Variants in CSMD1 observed in about 807,000 individuals in gnomAD.
CSMD1 encodes the protein CUB and sushi domain-containing protein 1.
A neutral mutation model predicts 417.5 loss-of-function variants in CSMD1; 213 were observed. That is an observed-to-expected ratio of 0.51 (90% confidence interval 0.46 to 0.57). The LOEUF is 0.57. CSMD1 is among the 20% of genes least tolerant of loss of function. CSMD1 has a pLI of 0.00. For synonymous variants in CSMD1, 2,862 were observed against 1,736.8 expected (o/e 1.65, Z -16.11); for missense variants, 6,923 against 4,529.7 (o/e 1.53, Z -15.17).
At chr8:3,661,228 C>T (rs980911924) in intron 7 of CSMD1, among the ~76,000 whole-genome samples, 1 of 152,194 alleles carries the variant, frequency 6.6e-6, no homozygotes, top group Non-Finnish European at 1.5e-5. Flanking sequence ...GAGTATGCAT[C>T]TGTAACAAGA....
chr8:4,016,255 G>C (rs1268495923), intron 4 of CSMD1, among the ~76,000 whole-genome samples: 2 of 152,052 alleles, frequency 1.3e-5, no homozygotes, highest in Non-Finnish European at 2.9e-5. Context: ...TTTCCTGCTT[G>C]AGTAATTCAT....
chr8:3,924,530 G>A (rs868063943), intron 5 of CSMD1, among the ~76,000 whole-genome samples: 1 of 152,072 alleles, frequency 6.6e-6, no homozygotes, highest in East Asian at 1.9e-4. Context: ...GAAGCTCGGT[G>A]GACTTGCTTC....
At chr8:3,753,427 C>A (rs1563342306) in intron 6 of CSMD1, among the ~76,000 whole-genome samples, 1 of 152,126 alleles carries the variant, frequency 6.6e-6, no homozygotes, top group South Asian at 2.1e-4. Context: ...ACTACAGACT[C>A]CCCATTTTGC....
chr8:3,876,333 G>A (rs1805819865), intron 5 of CSMD1, among the ~76,000 whole-genome samples: 1 of 152,124 alleles, frequency 6.6e-6, no homozygotes, highest in African/African-American at 2.4e-5. Flanking sequence ...CAAAGCCCAG[G>A]ATGACTGTTG....
intron 3 of CSMD1, among the ~76,000 whole-genome samples, chr8:4,226,198 C>T (rs1299240326): frequency 1.3e-5 from 2 of 151,960 alleles, no homozygotes; most frequent in Non-Finnish European, 2.9e-5. Context: ...GATCATTTTA[C>T]TAACCACTCT....
At chr8:3,756,391 A>G (rs1044806138) in intron 5 of CSMD1, among the ~76,000 whole-genome samples, 5 of 152,136 alleles carry the variant, frequency 3.3e-5, no homozygotes, top group African/African-American at 1.2e-4. Context: ...TGTATATTAA[A>G]AATCAATAAT....
intron 3 of CSMD1, among the ~76,000 whole-genome samples, chr8:4,225,686 G>C (rs572774945): frequency 6.6e-6 from 1 of 152,088 alleles, no homozygotes; most frequent in Non-Finnish European, 1.5e-5. Context: ...TTAGGAAACT[G>C]TCTCACCAGG....
intron 26 of CSMD1, among the ~76,000 whole-genome samples, chr8:3,232,917 C>A (rs1441156718): frequency 6.6e-6 from 1 of 151,054 alleles, no homozygotes; most frequent in Admixed American, 6.6e-5. Context: ...TAATTACATG[C>A]ATTGCTAGGT....
chr8:3,446,938 G>A (rs1815342823), intron 12 of CSMD1, among the ~76,000 whole-genome samples: 1 of 152,190 alleles, frequency 6.6e-6, no homozygotes, highest in South Asian at 2.1e-4. Flanking sequence ...GAAATAATTA[G>A]CATGTTGTCT....
At chr8:4,148,827 T>A (rs992662580) in intron 3 of CSMD1, among the ~76,000 whole-genome samples, 10 of 152,214 alleles carry the variant, frequency 6.6e-5, no homozygotes, top group Non-Finnish European at 1.3e-4. Context: ...CAGTCCCTCA[T>A]GCTGCCTTTG....
rs1273966097 is a variant in CSMD1 at position 4,889,805 on chromosome 8, A to C, written c.85+104527T>G. ...TAATAGTGAGGGCCTACTATGTTGA[A>C]ACTTGATGTGCAAACCACAGCCACT... On this transcript the variant is annotated intron_variant, in intron 1 of 69. Transcript: ENST00000635120. 1.3e-5 allele frequency among the ~76,000 whole-genome samples: 2 copies of C among 152,086 alleles called. 1 individual carries two copies. The highest frequency in any genetic ancestry group is 4.8e-5 in the African/African-American group (2 of 41,362).
At chr8:4,148,045 C>A (rs1039975628) in intron 3 of CSMD1, among the ~76,000 whole-genome samples, 1 of 151,948 alleles carries the variant, frequency 6.6e-6, no homozygotes, top group Non-Finnish European at 1.5e-5. Flanking sequence ...ATGACCTTTA[C>A]GGTAAAGAAA....
At chr8:4,631,764 C>T (rs1301137024) in intron 2 of CSMD1, among the ~76,000 whole-genome samples, 1 of 152,224 alleles carries the variant, frequency 6.6e-6, no homozygotes, top group Admixed American at 6.5e-5. Flanking sequence ...ACATTCACCT[C>T]TAACCTCTTC....
intron 4 of CSMD1, among the ~76,000 whole-genome samples, chr8:4,015,339 G>A (rs907889930): frequency 6.6e-6 from 1 of 152,048 alleles, no homozygotes; most frequent in Admixed American, 6.6e-5. Flanking sequence ...TCTCCCCTCT[G>A]GCTATGTCGT....
chr8:3,404,466 G>C (rs1355992812), intron 15 of CSMD1, among the ~76,000 whole-genome samples: 2 of 152,156 alleles, frequency 1.3e-5, no homozygotes, highest in African/African-American at 4.8e-5. Flanking sequence ...TCATGGAGGA[G>C]TTTAATGCTC....
At chr8:3,080,577 G>A (rs370241519) in intron 49 of CSMD1, among the ~76,000 whole-genome samples, 3 of 152,176 alleles carry the variant, frequency 2.0e-5, no homozygotes, top group African/African-American at 4.8e-5. Context: ...AGCCATCAAG[G>A]GGTCTTGGGA....
At chr8:4,142,586 G>GT (rs948684761) in intron 3 of CSMD1, among the ~76,000 whole-genome samples, 7 of 150,930 alleles carry the variant, frequency 4.6e-5, no homozygotes, top group Admixed American at 2.0e-4. Flanking sequence ...AGAAAAACAC[G>GT]TTTTTTTCAA....
chr8:4,629,205 T>C lies in CSMD1; in HGVS notation c.302+8137A>G, dbSNP rs192565267. Among the ~76,000 whole-genome samples, 631 of 152,286 alleles carry C rather than the reference T, an allele frequency of 4.1e-3. 8 individuals carry two copies. Among genetic ancestry groups the C allele is most frequent in the African/African-American group, 0.015 (606 of 41,564 alleles). ...TACATTCTTAGCTAGAATTTCTGAA[T>C]GAAAAGTTTGTACTTTATTTTGAGA... On this transcript the variant is annotated intron_variant, in intron 2 of 69. Transcript: ENST00000635120.
At chr8:3,441,368 T>A (rs900194082) in intron 12 of CSMD1, among the ~76,000 whole-genome samples, 1 of 152,118 alleles carries the variant, frequency 6.6e-6, no homozygotes, top group Non-Finnish European at 1.5e-5. Context: ...GTGCATCGAC[T>A]GATATAAACA....
Sources: allele counts gnomAD v4.1 joint callset (sites outside exome capture counted in the v4.1 genomes callset), GRCh38; gene constraint gnomAD v4.1.1; transcripts MANE v1.5; gene names NCBI Gene and HGNC (gene_info 2026-07-23, HGNC 2026-07-21).